The following CSMD1 variants were observed in gnomAD, a reference collection of about 807,000 sequenced individuals.
The protein encoded by CSMD1 is CUB and sushi domain-containing protein 1.
Under a neutral mutation model 417.5 loss-of-function variants are expected in CSMD1, and 213 were observed. The ratio of observed to expected loss-of-function variants is 0.51; its 90% confidence interval spans 0.46 to 0.57. CSMD1 has a LOEUF of 0.57. Among genes scored for constraint, CSMD1 ranks in the 20% least tolerant of loss-of-function variants. The pLI is 0.00. For missense variants in CSMD1, 6,923 were observed against 4,529.7 expected (o/e 1.53, Z -15.17); for synonymous variants, 2,862 against 1,736.8 (o/e 1.65, Z -16.11).
At chr8:4,337,184 G>C (rs577282746) in intron 3 of CSMD1, among the ~76,000 whole-genome samples, 6 of 152,220 alleles carry the variant, frequency 3.9e-5, no homozygotes, top group African/African-American at 7.2e-5. Context: ...GTTTGCAACA[G>C]TGTTATCTCA....
chr8:2,957,712 T>C lies in CSMD1; in HGVS notation c.9798A>G (p.Ile3266Met). Residue 3266 changes from isoleucine (I) to methionine (M), a missense_variant, in exon 63 of 70, where the codon ATA (isoleucine) becomes ATG (methionine). Ile to Met is a conservative substitution (Grantham distance 10). Transcript: ENST00000635120. ...TCLANLTWSG[I>M]QTECIPHACR... The stretch of plus-strand genomic sequence containing the variant: ...CACACTTACGTATACATTCGGTCTG[T>C]ATCCCACTCCATGTTAAATTGGCAA... 6.3e-7 allele frequency: 1 copy of C among 1,590,944 alleles called. No homozygotes were observed. The highest frequency in any genetic ancestry group is 8.6e-7 in the Non-Finnish European group (1 of 1,166,762).
At chr8:3,112,757 G>A (rs73504599) in intron 42 of CSMD1, among the ~76,000 whole-genome samples, 4,291 of 152,162 alleles carry the variant, frequency 0.028, 201 homozygotes, top group African/African-American at 0.097. Flanking sequence ...AAAATTCAAC[G>A]GGTGCAAGTG....
chr8:4,630,065 G>T (rs1181885579), intron 2 of CSMD1, among the ~76,000 whole-genome samples: 2 of 152,106 alleles, frequency 1.3e-5, no homozygotes, highest in Non-Finnish European at 2.9e-5. Context: ...ATATGGAAGT[G>T]AACCATCCGT....
intron 50 of CSMD1, among the ~76,000 whole-genome samples, chr8:3,036,859 T>C (rs1385137128): frequency 2.0e-5 from 3 of 151,988 alleles, no homozygotes; most frequent in Non-Finnish European, 2.9e-5. Context: ...GGTACAAGCG[T>C]TTTTGGTTAC....
chr8:3,151,389 T>G lies in CSMD1; in HGVS notation c.6031+8A>C. On this transcript the variant is annotated splice_region_variant and intron_variant, in intron 40 of 69. Transcript: ENST00000635120. ...GAACTTTTAGGAATTGGTAACATTT[T>G]CACTTACCATAGCCGATGGGTAATG... The G allele has an allele frequency of 6.4e-7, 1 of 1,568,206 alleles. No homozygotes were observed. Among genetic ancestry groups the G allele is most frequent in the Non-Finnish European group, 8.8e-7 (1 of 1,140,308 alleles).
At chr8:4,279,483 G>A (rs1244263247) in intron 3 of CSMD1, among the ~76,000 whole-genome samples, 1 of 152,142 alleles carries the variant, frequency 6.6e-6, no homozygotes, top group Non-Finnish European at 1.5e-5. Context: ...GTTTTTTCAT[G>A]AGCAGGAATA....
At chr8:4,907,863 G>C (rs1040574712) in intron 1 of CSMD1, among the ~76,000 whole-genome samples, 3 of 151,712 alleles carry the variant, frequency 2.0e-5, no homozygotes, top group African/African-American at 4.8e-5. Context: ...ATCTCACTTT[G>C]GCCATTGTTT....
chr8:3,478,302 C>A (rs1049499696), intron 11 of CSMD1, among the ~76,000 whole-genome samples: 2 of 152,338 alleles, frequency 1.3e-5, no homozygotes, highest in South Asian at 2.1e-4. Context: ...CTTGATCTTG[C>A]AGATCTAAGG....
chr8:4,055,156 G>C (rs1335918973), intron 3 of CSMD1, among the ~76,000 whole-genome samples: 1 of 152,124 alleles, frequency 6.6e-6, no homozygotes, highest in Non-Finnish European at 1.5e-5. Flanking sequence ...GAAACTGTTT[G>C]AAATATGAAT....
intron 47 of CSMD1, among the ~76,000 whole-genome samples, chr8:3,092,405 T>C (rs1815005769): frequency 1.3e-5 from 2 of 152,138 alleles, no homozygotes; most frequent in Non-Finnish European, 1.5e-5. Context: ...CTGTGGACGA[T>C]AGATACACAA....
chr8:3,947,167 A>G (rs1377552506), intron 5 of CSMD1, among the ~76,000 whole-genome samples: 1 of 152,230 alleles, frequency 6.6e-6, no homozygotes, highest in East Asian at 1.9e-4. Flanking sequence ...TAAAATTTCC[A>G]TGGATGCCCT....
intron 23 of CSMD1, among the ~76,000 whole-genome samples, chr8:3,321,675 T>C (rs1210143325): frequency 1.3e-5 from 2 of 151,780 alleles, no homozygotes; most frequent in East Asian, 2.0e-4. Context: ...CTGGTGCTTA[T>C]TTTAATTCTA....
chr8:4,662,878 T>G (rs1445630157), intron 1 of CSMD1, among the ~76,000 whole-genome samples: 3 of 152,122 alleles, frequency 2.0e-5, no homozygotes, highest in Non-Finnish European at 4.4e-5. Context: ...GTGACAGTGT[T>G]TATTCCAAAA....
chr8:3,359,401 T>G, intron 20 of CSMD1, 61 bp from the exon 21 acceptor site: 3 of 1,107,950 alleles, frequency 2.7e-6, no homozygotes, highest in Admixed American at 2.9e-5. Context: ...AAAGATTAAA[T>G]AGCAAGAATA....
intron 49 of CSMD1, among the ~76,000 whole-genome samples, chr8:3,058,990 A>T (rs1812411996): frequency 6.6e-6 from 1 of 151,880 alleles, no homozygotes; most frequent in Non-Finnish European, 1.5e-5. Flanking sequence ...GTGATGTTGG[A>T]TGTTGACATG....
chr8:4,006,168 T>A (rs1006692547), intron 4 of CSMD1, among the ~76,000 whole-genome samples: 1 of 152,196 alleles, frequency 6.6e-6, no homozygotes, highest in Non-Finnish European at 1.5e-5. Context: ...AAATTCCCCA[T>A]GACATTTTTG....
intron 21 of CSMD1, among the ~76,000 whole-genome samples, chr8:3,350,402 G>C (rs78774668): frequency 1.4e-5 from 2 of 146,548 alleles, no homozygotes; most frequent in South Asian, 2.1e-4. Context: ...GGAAACTGAA[G>C]CATAGAATAG....
intron 2 of CSMD1, among the ~76,000 whole-genome samples, chr8:4,556,794 T>C (rs1997137): frequency 0.16 from 25,016 of 152,084 alleles, 2,301 homozygotes; most frequent in African/African-American, 0.24. Flanking sequence ...ACTTTCTGAG[T>C]GCTGACATAA....
intron 26 of CSMD1, among the ~76,000 whole-genome samples, chr8:3,247,565 G>C (rs34162586): frequency 0.17 from 25,938 of 152,150 alleles, 2,533 homozygotes; most frequent in Admixed American, 0.21. Flanking sequence ...TCTTGAATAC[G>C]CAGAGGATGG....
Sources: gnomAD v4.1 joint callset for allele counts (sites outside exome capture counted in the v4.1 genomes callset) on GRCh38, gnomAD v4.1.1 for gene constraint, MANE v1.5 for transcripts, NCBI Gene and HGNC (gene_info 2026-07-23, HGNC 2026-07-21) for gene names.